Variants in SV2C observed in about 807,000 individuals in gnomAD.
The protein encoded by SV2C is solute carrier family 22 member B3.
A neutral mutation model predicts 79.7 loss-of-function variants in SV2C; 49 were observed. That is an observed-to-expected ratio of 0.61 (90% CI 0.49 to 0.78). The LOEUF is 0.78. Among genes scored for constraint, SV2C ranks in the 30% least tolerant of loss-of-function variants. The probability of loss-of-function intolerance (pLI) is 0.00; values close to 1 mark genes in which losing one functional copy is unlikely to be tolerated. For synonymous variants in SV2C, 334 were observed against 333.2 expected (o/e 1.00, Z -0.03); for missense variants, 833 against 912.9 (o/e 0.91, Z 1.13).
chr5:76,084,825 G>A (rs147864014), intron 1 of SV2C, among the ~76,000 whole-genome samples: 4 of 151,804 alleles, frequency 2.6e-5, no homozygotes, highest in East Asian at 1.9e-4. Context: ...CGGGGCAGAG[G>A]GGGGCGGGAG....
the SV2C span, among the ~76,000 whole-genome samples, chr5:75,882,661 A>C: frequency 1.3e-5 from 2 of 151,766 alleles, no homozygotes; most frequent in African/African-American, 4.9e-5. Flanking sequence ...AGGATTCCCT[A>C]TTTAATAAAT....
the SV2C span, among the ~76,000 whole-genome samples, chr5:75,973,441 G>A: frequency 1.3e-5 from 2 of 151,722 alleles, no homozygotes; most frequent in East Asian, 1.9e-4. Flanking sequence ...GTTACAGTGA[G>A]TTATGATCAT....
chr5:76,196,359 A>AT (rs1421877935), intron 3 of SV2C, among the ~76,000 whole-genome samples: 1 of 152,166 alleles, frequency 6.6e-6, no homozygotes, highest in Non-Finnish European at 1.5e-5. Context: ...GGGAAAAAAA[A>AT]ATGTTCAGAA....
the SV2C span, among the ~76,000 whole-genome samples, chr5:76,054,800 A>C: frequency 2.7e-3 from 404 of 152,252 alleles, 5 homozygotes; most frequent in Admixed American, 0.023. Flanking sequence ...TTCTTTTGAC[A>C]AGTGTCTGTT....
chr5:76,250,281 C>T (rs758201311), intron 4 of SV2C, among the ~76,000 whole-genome samples: 9 of 152,112 alleles, frequency 5.9e-5, no homozygotes, highest in Non-Finnish European at 1.3e-4. Context: ...TATTATTTAA[C>T]TTGATTTTTG....
chr5:76,112,242 A>G (rs1294768892), intron 1 of SV2C, among the ~76,000 whole-genome samples: 9 of 152,162 alleles, frequency 5.9e-5, no homozygotes, highest in African/African-American at 2.2e-4. Context: ...GGCATAAAGG[A>G]TCAGGGCATG....
At chr5:76,289,522 C>T (rs1173780553) in intron 6 of SV2C, among the ~76,000 whole-genome samples, 1 of 152,166 alleles carries the variant, frequency 6.6e-6, no homozygotes, top group Non-Finnish European at 1.5e-5. Context: ...GTAGGTACCA[C>T]AAGCACCACC....
chr5:76,315,542 C>T (rs192767877), intron 12 of SV2C, among the ~76,000 whole-genome samples: 4 of 152,246 alleles, frequency 2.6e-5, no homozygotes, highest in Admixed American at 2.6e-4. Flanking sequence ...TCCACTCCCC[C>T]AGAGGTGACC....
chr5:76,152,595 A>T (rs1040707425), intron 2 of SV2C, among the ~76,000 whole-genome samples: 1 of 152,240 alleles, frequency 6.6e-6, no homozygotes, highest in Non-Finnish European at 1.5e-5. Flanking sequence ...ACATGTGGAT[A>T]GTCAAATAGC....
the SV2C span, among the ~76,000 whole-genome samples, chr5:75,925,009 G>A: frequency 6.6e-6 from 1 of 152,066 alleles, no homozygotes; most frequent in Non-Finnish European, 1.5e-5. Context: ...AAAAGTTATG[G>A]TTATTTAATA....
At chr5:75,987,469 A>C in the SV2C span, among the ~76,000 whole-genome samples, 2 of 151,956 alleles carry the variant, frequency 1.3e-5, no homozygotes, top group African/African-American at 4.8e-5. Context: ...AAGATGATAG[A>C]GCAGAGAGTT....
intron 1 of SV2C, among the ~76,000 whole-genome samples, chr5:76,102,763 T>C (rs1202270109): frequency 6.6e-6 from 1 of 152,152 alleles, no homozygotes; most frequent in Non-Finnish European, 1.5e-5. Flanking sequence ...GCTTAGATGG[T>C]TTACTTGTAG....
chr5:76,248,543 A>G (rs1399778691), intron 4 of SV2C, among the ~76,000 whole-genome samples: 1 of 152,008 alleles, frequency 6.6e-6, no homozygotes, highest in Non-Finnish European at 1.5e-5. Context: ...TCAATATATA[A>G]ATTTGGAGGG....
chr5:75,873,391 CTAAT>C, the SV2C span, among the ~76,000 whole-genome samples: 17,019 of 151,244 alleles, frequency 0.11, 998 homozygotes, highest in East Asian at 0.16. Flanking sequence ...CATTTTTTCA[CTAAT>C]TAAATTGGCA....
At chr5:76,268,134 G>A (rs1746724401) in intron 4 of SV2C, among the ~76,000 whole-genome samples, 1 of 152,184 alleles carries the variant, frequency 6.6e-6, no homozygotes, top group African/African-American at 2.4e-5. Flanking sequence ...GCAGGCTGGG[G>A]CAAGGTTGCA....
At chr5:76,039,766 A>C in the SV2C span, among the ~76,000 whole-genome samples, 1 of 149,086 alleles carries the variant, frequency 6.7e-6, no homozygotes, top group Non-Finnish European at 1.5e-5. Flanking sequence ...CAAAAAAAAA[A>C]AAAAAAAGAA....
chr5:76,145,891 T>C (rs1333457827), intron 2 of SV2C, among the ~76,000 whole-genome samples: 1 of 152,214 alleles, frequency 6.6e-6, no homozygotes, highest in South Asian at 2.1e-4. Flanking sequence ...TGTGGCCTTG[T>C]TTGAACTCTC....
chr5:76,188,458 G>T (rs913931776), intron 2 of SV2C, among the ~76,000 whole-genome samples: 1 of 152,132 alleles, frequency 6.6e-6, no homozygotes, highest in African/African-American at 2.4e-5. Flanking sequence ...TTGGGGAAGG[G>T]TTCAGATCTA....
At chr5:75,911,958 C>A in the SV2C span, 22,360 of 358,048 alleles carry the variant, frequency 0.062, 872 homozygotes, top group Admixed American at 0.098. Context: ...ATATAAGAGC[C>A]AGCAACCATC....
Sources: gnomAD v4.1 joint callset for allele counts (sites outside exome capture counted in the v4.1 genomes callset) on GRCh38, gnomAD v4.1.1 for gene constraint, MANE v1.5 for transcripts, NCBI Gene and HGNC (gene_info 2026-07-23, HGNC 2026-07-21) for gene names.